Variants in ZFHX3 observed in about 807,000 individuals in gnomAD.
The protein encoded by ZFHX3 is zinc finger homeobox 3, also known as zinc finger homeobox protein 3.
ZFHX3 carries 42 observed loss-of-function variants against 279.1 expected under a neutral mutation model. The observed-to-expected ratio is 0.15, with a 90% CI of 0.12 to 0.19. The LOEUF (loss-of-function observed/expected upper bound fraction) is 0.19. Ranked by LOEUF, ZFHX3 falls within the 10% of genes least tolerant of loss-of-function variation. ZFHX3 has a pLI of 1.00. For missense variants in ZFHX3, 4,981 were observed against 4,754.0 expected, an observed-to-expected ratio of 1.05 and a Z score of -1.40; for synonymous variants, 2,293 against 1,957.8, an observed-to-expected ratio of 1.17 and a Z score of -4.52.
At chr16:73,174,942 C>G (rs527354203) in intron 5 of ZFHX3, among the ~76,000 whole-genome samples, 3 of 151,124 alleles carry the variant, frequency 2.0e-5, no homozygotes, top group African/African-American at 7.3e-5. Flanking sequence ...GCAGGAGAAA[C>G]GCTTGAACCT....
intron 2 of ZFHX3, among the ~76,000 whole-genome samples, chr16:73,462,666 C>T (rs2143583517): frequency 6.6e-6 from 1 of 152,184 alleles, no homozygotes; most frequent in Middle Eastern, 3.4e-3. Context: ...TTGATATAAT[C>T]ATGTGATTAT....
intron 5 of ZFHX3, among the ~76,000 whole-genome samples, chr16:73,227,683 T>C (rs1393297839): frequency 6.6e-6 from 1 of 151,428 alleles, no homozygotes; most frequent in Non-Finnish European, 1.5e-5. Context: ...ACCACATATC[T>C]ACTAAAAATC....
chr16:73,690,040 T>C (rs1041564130), intron 1 of ZFHX3, among the ~76,000 whole-genome samples: 1 of 152,122 alleles, frequency 6.6e-6, no homozygotes, highest in Non-Finnish European at 1.5e-5. Context: ...CTCAGCCTCC[T>C]GAGTAGCTGG....
At chr16:73,417,474 C>A in intron 3 of ZFHX3, among the ~76,000 whole-genome samples, 1 of 145,996 alleles carries the variant, frequency 6.8e-6, no homozygotes, top group South Asian at 2.2e-4. Flanking sequence ...TCAAGTGATC[C>A]TCCTGCCTCA....
intron 5 of ZFHX3, among the ~76,000 whole-genome samples, chr16:73,153,376 C>T (rs756620074): frequency 5.9e-5 from 9 of 152,188 alleles, no homozygotes; most frequent in Non-Finnish European, 1.0e-4. Flanking sequence ...CCTCCTGCCT[C>T]CGTCTCCCAA....
At chr16:73,143,945 T>C (rs1382072054) in intron 5 of ZFHX3, 1 of 405,804 alleles carries the variant, frequency 2.5e-6, no homozygotes. Flanking sequence ...TTTTCTTAAA[T>C]AAGATTTCTT....
At chr16:73,505,946 G>C (rs532081695) in intron 2 of ZFHX3, among the ~76,000 whole-genome samples, 4 of 152,312 alleles carry the variant, frequency 2.6e-5, no homozygotes, top group Admixed American at 2.6e-4. Flanking sequence ...AGTATTTCTT[G>C]AGTTCCTACT....
chr16:73,822,763 G>A (rs1049703656), intron 1 of ZFHX3, among the ~76,000 whole-genome samples: 6 of 152,200 alleles, frequency 3.9e-5, no homozygotes, highest in Admixed American at 3.9e-4. Context: ...TCTAACAGAT[G>A]CCAGAAGAAG....
intron 2 of ZFHX3, among the ~76,000 whole-genome samples, chr16:73,509,722 G>A (rs1380825980): frequency 3.9e-5 from 5 of 127,158 alleles, no homozygotes; most frequent in Non-Finnish European, 8.0e-5. Context: ...TTGAGACAGG[G>A]TCTCGCTCTG....
rs182029024 is a variant in ZFHX3 at position 72,989,272 on chromosome 16, G to T, written c.-49-29078C>A. Reference sequence around the variant, plus strand: ...GGCCGAAGCGGGTGGATCACCTGAGGTCAGGAGTTTGAGACCAGCCAGGCC... The same window carrying T: ...GGCCGAAGCGGGTGGATCACCTGAGTTCAGGAGTTTGAGACCAGCCAGGCC... On this transcript the variant is annotated intron_variant, in intron 1 of 9. Transcript: ENST00000268489. Among the ~76,000 whole-genome samples, 402 of 152,088 alleles carry T rather than the reference G, an allele frequency of 2.6e-3. 2 individuals are homozygous for T. Among genetic ancestry groups the T allele is most frequent in the African/African-American group, 9.5e-3 (393 of 41,478 alleles).
intron 2 of ZFHX3, among the ~76,000 whole-genome samples, chr16:73,604,686 A>C (rs576320016): frequency 7.0e-4 from 106 of 151,626 alleles, no homozygotes; most frequent in Non-Finnish European, 1.3e-3. Flanking sequence ...CGGAGGTAGC[A>C]GTGGGCAGAG....
intron 5 of ZFHX3, among the ~76,000 whole-genome samples, chr16:73,190,349 A>C (rs554199122): frequency 2.5e-4 from 38 of 152,388 alleles, no homozygotes; most frequent in African/African-American, 5.5e-4. Context: ...ATAGGAATAA[A>C]AAAGACACAG....
intron 1 of ZFHX3, among the ~76,000 whole-genome samples, chr16:73,057,481 G>A (rs1195825457): frequency 6.6e-6 from 1 of 151,492 alleles, no homozygotes; most frequent in Middle Eastern, 3.2e-3. Context: ...GAGTGGAGCC[G>A]GGCGAGGGGT....
chr16:72,922,954 A>G (rs1161093568), intron 3 of ZFHX3, among the ~76,000 whole-genome samples: 2 of 152,172 alleles, frequency 1.3e-5, no homozygotes, highest in African/African-American at 2.4e-5. Flanking sequence ...TATATGGTAA[A>G]GCTGCTAGAA....
At chr16:73,254,974 C>T (rs1372870858) in intron 5 of ZFHX3, among the ~76,000 whole-genome samples, 1 of 152,172 alleles carries the variant, frequency 6.6e-6, no homozygotes, top group Non-Finnish European at 1.5e-5. Context: ...TTTGCTAAGC[C>T]TTTCCCTAGT....
intron 1 of ZFHX3, among the ~76,000 whole-genome samples, chr16:73,875,657 T>A (rs534997202): frequency 2.1e-4 from 32 of 152,316 alleles, no homozygotes; most frequent in Non-Finnish European, 3.5e-4. Context: ...TTCATAATAA[T>A]AGCAGCAAAC....
intron 3 of ZFHX3, among the ~76,000 whole-genome samples, chr16:72,923,450 G>GA (rs34096322): frequency 0.014 from 1,214 of 86,064 alleles, 11 homozygotes; most frequent in African/African-American, 0.041. Flanking sequence ...TCTCAGACCA[G>GA]AAAAAAAAAA....
intron 1 of ZFHX3, among the ~76,000 whole-genome samples, chr16:73,715,050 T>A (rs1309265849): frequency 1.3e-5 from 2 of 152,144 alleles, no homozygotes; most frequent in Non-Finnish European, 2.9e-5. Flanking sequence ...TGCAGCTACC[T>A]CTCATTTGAG....
chr16:73,236,472 C>A lies in ZFHX3; in HGVS notation c.-1104+20575G>T, dbSNP rs113026660. ...AGGCCTGGTGGCACATGTCTGTAAT[C>A]CCAGCTACTTGCGGGGCTGAAGCAC... On this transcript the variant is annotated intron_variant, in intron 5 of 17. Transcript: ENST00000641206. 1.9e-3 allele frequency among the ~76,000 whole-genome samples: 296 copies of A among 152,302 alleles called. 1 individual carries two copies. Among genetic ancestry groups the A allele is most frequent in the Non-Finnish European group, 3.6e-3 (245 of 68,030 alleles).
Sources: gnomAD v4.1 joint callset for allele counts (sites outside exome capture counted in the v4.1 genomes callset) on GRCh38, gnomAD v4.1.1 for gene constraint, MANE v1.5 for transcripts, NCBI Gene and HGNC (gene_info 2026-07-23, HGNC 2026-07-21) for gene names.